HPSE2: variants seen among roughly 807,000 people sequenced by gnomAD.
HPSE2 encodes inactive heparanase-2.
In HPSE2, 38 loss-of-function variants were observed where a neutral mutation model predicts 60.5. The ratio of observed to expected loss-of-function variants is 0.63; its 90% CI spans 0.48 to 0.82. HPSE2 has a LOEUF of 0.82. Ranked by LOEUF, HPSE2 falls within the 40% of genes least tolerant of loss-of-function variation. The pLI is 0.00. For synonymous variants in HPSE2, 295 were observed against 293.2 expected, an observed-to-expected ratio of 1.01 and a Z score of -0.06; for missense variants, 713 against 740.4, an observed-to-expected ratio of 0.96 and a Z score of 0.43.
intron 9 of HPSE2, among the ~76,000 whole-genome samples, chr10:98,603,154 GC>G (rs1378360951): frequency 6.6e-6 from 1 of 152,134 alleles, no homozygotes; most frequent in Admixed American, 6.5e-5. Context: ...GCAAACCACT[GC>G]CCCCAAAATT....
intron 10 of HPSE2, 59 bp from the exon 11 acceptor site, chr10:98,482,841 T>C: frequency 6.4e-7 from 1 of 1,567,396 alleles, no homozygotes. Context: ...GTTAGATGCT[T>C]CTAAATAATT....
At chr10:99,164,230 TATATATA>T (rs1564858850) in intron 2 of HPSE2, among the ~76,000 whole-genome samples, 54 of 488 alleles carry the variant, frequency 0.11, 2 homozygotes, top group South Asian at 0.19. Flanking sequence ...TCAAGCATTA[TATATATA>T]TATATATATA....
At chr10:98,467,499 G>A (rs1481959331) in intron 11 of HPSE2, among the ~76,000 whole-genome samples, 1 of 152,132 alleles carries the variant, frequency 6.6e-6, no homozygotes, top group East Asian at 1.9e-4. Context: ...GGGAGAGAGG[G>A]AAGGGGGAGA....
At chr10:98,511,954 GT>G (rs1258365974) in intron 9 of HPSE2, among the ~76,000 whole-genome samples, 3 of 152,196 alleles carry the variant, frequency 2.0e-5, no homozygotes, top group African/African-American at 7.2e-5. Flanking sequence ...GGTTTCCAAA[GT>G]TGTAAAAACC....
the HPSE2 span, among the ~76,000 whole-genome samples, chr10:99,261,673 G>A: frequency 9.2e-5 from 14 of 151,976 alleles, no homozygotes; most frequent in Non-Finnish European, 1.5e-4. Context: ...ATTAGATTCC[G>A]GCCCTCAAAC....
intron 3 of HPSE2, among the ~76,000 whole-genome samples, chr10:99,044,721 T>C (rs959908527): frequency 1.3e-5 from 2 of 152,114 alleles, no homozygotes; most frequent in Non-Finnish European, 2.9e-5. Flanking sequence ...GTTATTCTTA[T>C]ATCAGATAAA....
rs192528487 is a variant in HPSE2, at chr10:98,525,044, C to A, written c.1321-34848G>T. 2.0e-3 allele frequency among the ~76,000 whole-genome samples: 298 copies of A among 152,292 alleles called. 2 individuals are homozygous for A. The highest frequency in any genetic ancestry group is 3.4e-3 in the Middle Eastern group (1 of 294). On this transcript the variant is annotated intron_variant, in intron 9 of 11. Transcript: ENST00000370552. ...ATTTATTTACAGATAGAATTTCACT[C>A]TTGTCGCCCAGGCTGGAGTGCAATG...
rs368537222 is a variant in HPSE2 at position 98,954,285 on chromosome 10, C to T, written c.610+189953G>A. Reference sequence around the variant, plus strand: ...TCGCACCACTGTACTCCAGCCTAGGCGAGAGAGTGAGACTCCATCTCAAAA... The same window carrying T: ...TCGCACCACTGTACTCCAGCCTAGGTGAGAGAGTGAGACTCCATCTCAAAA... On this transcript the variant is annotated intron_variant, in intron 3 of 11. Transcript: ENST00000370552. Among the ~76,000 whole-genome samples the T allele has an allele frequency of 5.1e-4, 77 of 150,848 alleles. 1 individual carries two copies. The South Asian group carries it at 0.016, about 31-fold the overall frequency.
chr10:99,277,125 G>C, the HPSE2 span, among the ~76,000 whole-genome samples: 1 of 152,120 alleles, frequency 6.6e-6, no homozygotes, highest in Non-Finnish European at 1.5e-5. Flanking sequence ...ATTGCTAGGA[G>C]TTAATTTATC....
chr10:99,129,160 T>C lies in HPSE2; in HGVS notation c.610+15078A>G, dbSNP rs184587297. On this transcript the variant is annotated intron_variant, in intron 3 of 11. Transcript: ENST00000370552. ...CTCCCAAATTTATAAAACAATGAAATGAGATACACAGCAACACAATAATGG... is the reference window on the plus strand; with the variant it reads ...CTCCCAAATTTATAAAACAATGAAACGAGATACACAGCAACACAATAATGG... 3.1e-3 allele frequency among the ~76,000 whole-genome samples: 478 copies of C among 152,048 alleles called. 3 individuals carry two copies. Among genetic ancestry groups the C allele is most frequent in the African/African-American group, 0.011 (459 of 41,490 alleles).
At chr10:99,011,539 C>T (rs775135960) in intron 3 of HPSE2, among the ~76,000 whole-genome samples, 7 of 151,866 alleles carry the variant, frequency 4.6e-5, no homozygotes, top group South Asian at 2.1e-4. Context: ...AGGCAGATCA[C>T]GACGTCAAGA....
chr10:98,623,082 T>C (rs1200688188), intron 7 of HPSE2, among the ~76,000 whole-genome samples: 1 of 152,186 alleles, frequency 6.6e-6, no homozygotes, highest in African/African-American at 2.4e-5. Context: ...ACAGGATATT[T>C]AATGTTTAAT....
At chr10:98,971,042 T>C (rs1955939734) in intron 3 of HPSE2, among the ~76,000 whole-genome samples, 1 of 152,160 alleles carries the variant, frequency 6.6e-6, no homozygotes, top group South Asian at 2.1e-4. Flanking sequence ...AGGCTATATT[T>C]ATTTCCCTGA....
chr10:98,570,153 C>G (rs1944454070), intron 9 of HPSE2, among the ~76,000 whole-genome samples: 1 of 152,174 alleles, frequency 6.6e-6, no homozygotes, highest in Non-Finnish European at 1.5e-5. Flanking sequence ...CTGCTCCTTC[C>G]TTGCCCCTCA....
At chr10:98,847,538 T>G (rs922262156) in intron 3 of HPSE2, among the ~76,000 whole-genome samples, 1 of 152,260 alleles carries the variant, frequency 6.6e-6, no homozygotes, top group Admixed American at 6.5e-5. Context: ...TGTGCCAATT[T>G]GCGTGGATTA....
chr10:98,941,071 T>C (rs1954983667), intron 3 of HPSE2, among the ~76,000 whole-genome samples: 2 of 140,936 alleles, frequency 1.4e-5, no homozygotes, highest in Non-Finnish European at 3.0e-5. Flanking sequence ...TAGGTATTGA[T>C]GGGACGTATC....
chr10:99,032,163 G>T (rs976703017), intron 3 of HPSE2, among the ~76,000 whole-genome samples: 2 of 152,128 alleles, frequency 1.3e-5, no homozygotes, highest in African/African-American at 4.8e-5. Flanking sequence ...GAGGACATCA[G>T]TAAGAAGGTG....
intron 3 of HPSE2, among the ~76,000 whole-genome samples, chr10:98,850,406 T>C (rs1053293961): frequency 6.6e-6 from 1 of 152,146 alleles, no homozygotes; most frequent in Non-Finnish European, 1.5e-5. Flanking sequence ...TAAACTCCAG[T>C]GCTCAAACTG....
At chr10:99,150,441 C>T (rs1846217578) in intron 2 of HPSE2, among the ~76,000 whole-genome samples, 1 of 152,160 alleles carries the variant, frequency 6.6e-6, no homozygotes, top group South Asian at 2.1e-4. Context: ...ACCTCAGACT[C>T]CCAAACAGTC....
Sources: allele counts gnomAD v4.1 joint callset (sites outside exome capture counted in the v4.1 genomes callset), GRCh38; gene constraint gnomAD v4.1.1; transcripts MANE v1.5; gene names NCBI Gene and HGNC (gene_info 2026-07-23, HGNC 2026-07-21).